The following MALSU1 variants were observed in gnomAD, a reference collection of about 807,000 sequenced individuals.
MALSU1 encodes the protein mitochondrial assembly of ribosomal large subunit protein 1.
Under a neutral mutation model 22.1 loss-of-function variants are expected in MALSU1, and 22 were observed. The observed-to-expected ratio is 1.00, with a 90% CI of 0.71 to 1.42. The LOEUF (loss-of-function observed/expected upper bound fraction) is 1.42, where lower values mean the gene tolerates loss of function less well. MALSU1 is among the 40% of genes most tolerant of loss of function. The pLI, the probability that MALSU1 is intolerant of heterozygous loss-of-function variation, is 0.00. For synonymous variants in MALSU1, 153 were observed against 118.5 expected, an observed-to-expected ratio of 1.29 and a Z score of -1.89; for missense variants, 379 against 308.3, an observed-to-expected ratio of 1.23 and a Z score of -1.72.
At chr7:23,308,838 G>T (rs1277546577) in intron 3 of MALSU1, among the ~76,000 whole-genome samples, 2 of 152,090 alleles carry the variant, frequency 1.3e-5, no homozygotes, top group Non-Finnish European at 2.9e-5. Flanking sequence ...CTTGTGCACG[G>T]TACGATGTTT....
Position 23,299,366 on chromosome 7 carries a change from G to A in MALSU1, c.14G>A (p.Gly5Asp), listed in dbSNP as rs766448337. 1.9e-6 allele frequency: 3 copies of A among 1,580,844 alleles called. No homozygotes were observed. The highest frequency in any genetic ancestry group is 4.5e-5 in the East Asian group (2 of 44,428). MGPG[G>D]RVARLLAPLM... ...AAGGCTGCTGCTATGGGGCCGGGCG[G>A]CCGTGTGGCGCGGCTGCTCGCCCCA... Residue 5 changes from glycine (G) to aspartate (D), a missense_variant, in exon 1 of 4, where the codon GGC becomes GAC. Gly to Asp is a moderately conservative substitution (Grantham distance 94). Coordinates refer to ENST00000466681, the MANE Select transcript of MALSU1 (RefSeq NM_138446.2).
chr7:23,302,978 T>C lies in MALSU1; in HGVS notation c.435+1961T>C, dbSNP rs186747640. 5.5e-3 allele frequency among the ~76,000 whole-genome samples: 836 copies of C among 152,276 alleles called. 2 individuals are homozygous for C. The highest frequency in any genetic ancestry group is 0.019 in the African/African-American group (805 of 41,544). Reference sequence around the variant, plus strand: ...TTTTAGTAGAGATGGGGTTTCACCATGTTGGTCAGGCTGGTCTCAAACTCC... The same window carrying C: ...TTTTAGTAGAGATGGGGTTTCACCACGTTGGTCAGGCTGGTCTCAAACTCC... On this transcript the variant is annotated intron_variant, in intron 2 of 3. Transcript: ENST00000466681.
At chr7:23,299,668 G>C (rs752221085) in intron 1 of MALSU1, 60 bp downstream of exon 1, 2 of 1,507,238 alleles carry the variant, frequency 1.3e-6, no homozygotes, top group Non-Finnish European at 1.8e-6. Flanking sequence ...TCAGGTCCCA[G>C]CCAAGGTGGC....
chr7:23,303,868 G>T (rs1195344382), intron 2 of MALSU1, among the ~76,000 whole-genome samples: 1 of 151,816 alleles, frequency 6.6e-6, no homozygotes, highest in East Asian at 1.9e-4. Context: ...CACTTTGGGA[G>T]GCCAAGGCGG....
rs1160852770 is a variant in MALSU1, at chr7:23,311,693, AAATTT to A, written c.*2152_*2156del. 1.3e-5 allele frequency: 2 copies of A among 152,436 alleles called. No homozygotes were observed. The highest frequency in any genetic ancestry group is 1.9e-4 in the East Asian group (1 of 5,180). 9.4% of individuals were successfully genotyped at this position (152,436 alleles called of 1,614,324 possible). ...TGTTAGCTGATTGCTGTTAAATTTT[AAATTT>A]ATTTTTTAAAAAACGGTTGGACTTC... On this transcript the variant is annotated 3_prime_UTR_variant, in exon 4 of 4. Coordinates refer to ENST00000466681, the MANE Select transcript of MALSU1 (RefSeq NM_138446.2).
intron 3 of MALSU1, 69 bp downstream of exon 3, chr7:23,308,018 C>T (rs1783746502): frequency 8.7e-7 from 1 of 1,151,352 alleles, no homozygotes; most frequent in African/African-American, 1.5e-5. Flanking sequence ...TTTTCAGTTG[C>T]AAAAGGATTG....
At position 23,302,888 on chromosome 7, in the gene MALSU1, G is replaced by A. The variant is rs142494333; in HGVS notation, c.435+1871G>A. Among the ~76,000 whole-genome samples, 484 of 152,136 alleles carry A rather than the reference G, an allele frequency of 3.2e-3. 1 individual carries two copies. Among genetic ancestry groups the A allele is most frequent in the African/African-American group, 8.3e-3 (346 of 41,506 alleles). On this transcript the variant is annotated intron_variant, in intron 2 of 3. Transcript: ENST00000466681. ...GCCTCCCGAGTTCAAGTGATTCTCC[G>A]GCCTAAGCCTCCTGAGTAGGTGGGA...
At chr7:23,302,413 A>G (rs1783660261) in intron 2 of MALSU1, among the ~76,000 whole-genome samples, 1 of 152,194 alleles carries the variant, frequency 6.6e-6, no homozygotes, top group Non-Finnish European at 1.5e-5. Context: ...CCAAAATTGT[A>G]TAGAGAAAGG....
chr7:23,308,030 G>A (rs1025167287), intron 3 of MALSU1, 81 bp downstream of exon 3: 1 of 1,031,420 alleles, frequency 9.7e-7, no homozygotes, highest in East Asian at 2.4e-5. Context: ...AAAGGATTGA[G>A]ATCAAATTGA....
Position 23,299,374 on chromosome 7 carries a change from G to T in MALSU1, c.22G>T (p.Ala8Ser), listed in dbSNP as rs1583856175. Reference protein sequence around the residue: MGPGGRVARLLAPLMWRR... With the variant: MGPGGRVSRLLAPLMWRR... ...TGCTATGGGGCCGGGCGGCCGTGTG[G>T]CGCGGCTGCTCGCCCCACTAATGTG... Residue 8 changes from alanine to serine, a missense_variant, in exon 1 of 4, where the codon GCG becomes TCG. Ala to Ser is a moderately conservative substitution (Grantham distance 99, BLOSUM62 1). Transcript: ENST00000466681. 4 of 1,584,730 alleles carry T rather than the reference G, an allele frequency of 2.5e-6. No homozygotes were observed. Among genetic ancestry groups the T allele is most frequent in the Non-Finnish European group, 3.4e-6 (4 of 1,169,978 alleles).
chr7:23,301,425 T>C (rs1413946350), intron 2 of MALSU1, among the ~76,000 whole-genome samples: 3 of 152,124 alleles, frequency 2.0e-5, no homozygotes, highest in African/African-American at 7.2e-5. Flanking sequence ...CAGGCCCAGA[T>C]AATTTTGTAT....
At chr7:23,303,150 T>A (rs913344926) in intron 2 of MALSU1, among the ~76,000 whole-genome samples, 1 of 152,212 alleles carries the variant, frequency 6.6e-6, no homozygotes, top group Non-Finnish European at 1.5e-5. Context: ...CTCCAGAAAT[T>A]TTTTCATTTT....
At chr7:23,303,792 G>C (rs1783689251) in intron 2 of MALSU1, among the ~76,000 whole-genome samples, 1 of 137,720 alleles carries the variant, frequency 7.3e-6, no homozygotes, top group African/African-American at 2.7e-5. Context: ...CTGGGTGACA[G>C]AGCAAGACGC....
At chr7:23,305,558 G>A (rs1332414996) in intron 2 of MALSU1, among the ~76,000 whole-genome samples, 1 of 151,984 alleles carries the variant, frequency 6.6e-6, no homozygotes, top group African/African-American at 2.4e-5. Flanking sequence ...TGTATTTTTA[G>A]TAGAGATGAG....
intron 1 of MALSU1, among the ~76,000 whole-genome samples, 163 bp downstream of exon 1, chr7:23,299,771 C>T (rs1049825621): frequency 3.9e-5 from 6 of 152,186 alleles, no homozygotes. Context: ...TGGCGCCAAC[C>T]TTCCCGTTTC....
At chr7:23,299,732 C>T in intron 1 of MALSU1, 124 bp downstream of exon 1, 1 of 1,144,348 alleles carries the variant, frequency 8.7e-7, no homozygotes, top group African/African-American at 1.6e-5. Flanking sequence ...TCCTGCACAT[C>T]CAGAGCTGGA....
At chr7:23,301,492 CAG>C (rs1486222687) in intron 2 of MALSU1, among the ~76,000 whole-genome samples, 1 of 152,122 alleles carries the variant, frequency 6.6e-6, no homozygotes, top group African/African-American at 2.4e-5. Context: ...CTCCTGACCT[CAG>C]GGGATCCGCC....
At chr7:23,304,749 C>G (rs530294608) in intron 2 of MALSU1, among the ~76,000 whole-genome samples, 1 of 152,092 alleles carries the variant, frequency 6.6e-6, no homozygotes, top group Non-Finnish European at 1.5e-5. Context: ...ACTATATTGC[C>G]CAGACTCTTT....
rs1783743289 is a variant in MALSU1 at position 23,307,880 on chromosome 7, A to T, written c.448A>T (p.Lys150Ter). 1 of 1,613,704 alleles carries T rather than the reference A, an allele frequency of 6.2e-7. No individual in the cohort carries two copies. Among genetic ancestry groups the T allele is most frequent in the Admixed American group, 1.7e-5 (1 of 60,000 alleles). Reference sequence around the variant, plus strand: ...TGGCTTTTTGCAGTACAAACACCTGAAATGTAAACGTGACCCTCATGTTAA... The same window carrying T: ...TGGCTTTTTGCAGTACAAACACCTGTAATGTAAACGTGACCCTCATGTTAA... ...FYVVKMYKHL[K>*]CKRDPHVKIE... The change falls in exon 3 of 4, where the codon AAA (lysine) becomes TAA (stop). Residue 150 changes from lysine (K) to a stop codon, truncating the protein, a stop_gained. Transcript: ENST00000466681. LOFTEE classifies it high-confidence loss of function.
Sources: gnomAD v4.1 joint callset for allele counts (sites outside exome capture counted in the v4.1 genomes callset) on GRCh38, gnomAD v4.1.1 for gene constraint, MANE v1.5 for transcripts, NCBI Gene and HGNC (gene_info 2026-07-23, HGNC 2026-07-21) for gene names.